RORC: variants seen among roughly 807,000 people sequenced by gnomAD.
RORC encodes RAR related orphan receptor C, also known as nuclear receptor ROR-gamma.
A neutral mutation model predicts 64.5 loss-of-function variants in RORC; 13 were observed. The ratio of observed to expected loss-of-function variants is 0.20; its 90% CI spans 0.13 to 0.32. The LOEUF is 0.32. Ranked by LOEUF, RORC falls within the 10% of genes least tolerant of loss-of-function variation. The pLI is 1.00. For synonymous variants in RORC, 277 were observed against 259.3 expected (o/e 1.07, Z -0.65); for missense variants, 468 against 669.5 (o/e 0.70, Z 3.32).
At chr1:151,810,902 A>G (rs1253059026) in intron 10 of RORC, among the ~76,000 whole-genome samples, 1 of 152,210 alleles carries the variant, frequency 6.6e-6, no homozygotes, top group African/African-American at 2.4e-5. Flanking sequence ...GCATGTCAGC[A>G]AAAGCACTCT....
chr1:151,814,644 C>T lies in RORC; in HGVS notation c.863G>A (p.Arg288Gln), dbSNP rs997157586. 19 of 1,612,760 alleles carry T rather than the reference C, an allele frequency of 1.2e-5. No homozygotes were observed. Among genetic ancestry groups the T allele is most frequent in the Non-Finnish European group, 1.6e-5 (19 of 1,179,340 alleles). Residue 288 changes from arginine (R) to glutamine (Q), a missense_variant, in exon 6 of 11, where the codon CGG becomes CAG. Transcript: ENST00000318247. The part of the protein sequence containing the change: ...CKSYRETCQL[R>Q]LEDLLRQRSN... The stretch of plus-strand genomic sequence containing the variant: ...GCGCTGCCGCAGCAGGTCCTCCAGC[C>T]GCAGCTGGCATGTCTCCCTGTAGGA...
At chr1:151,818,306 C>T (rs751679732) in intron 2 of RORC, among the ~76,000 whole-genome samples, 9 of 152,154 alleles carry the variant, frequency 5.9e-5, no homozygotes, top group Non-Finnish European at 1.2e-4. Context: ...TGTGAGCCTA[C>T]GACATATCTG....
chr1:151,826,007 C>G (rs1228458362), intron 2 of RORC: 1 of 1,605,296 alleles, frequency 6.2e-7, no homozygotes, highest in East Asian at 2.2e-5. Flanking sequence ...GAGTGGGGTG[C>G]AGCTGGCGGC....
rs760947986 is a variant in RORC at position 151,823,371 on chromosome 1, A to T, written c.70+6058T>A. ...CCACGCTGGCCATGCCCTTAGGGGA[A>T]GATGTCTGGGCTACCCTCCGTCTGG... On this transcript the variant is annotated intron_variant, in intron 2 of 10. Coordinates refer to ENST00000318247, the MANE Select transcript of RORC (RefSeq NM_005060.4). Among the ~76,000 whole-genome samples the T allele has an allele frequency of 1.4e-4, 22 of 152,210 alleles. 1 individual carries two copies. Among genetic ancestry groups the T allele is most frequent in the Non-Finnish European group, 1.5e-5 (1 of 68,024 alleles).
chr1:151,811,224 G>T (rs1346616424), intron 10 of RORC, 101 bp downstream of exon 10: 2 of 663,082 alleles, frequency 3.0e-6, no homozygotes, highest in Non-Finnish European at 2.7e-6. Context: ...TGGTACTCCC[G>T]CACTCCCTCC....
rs144728977 is a variant in RORC at position 151,810,283 on chromosome 1, C to T, written c.1395+1042G>A. Among the ~76,000 whole-genome samples, 17 of 152,236 alleles carry T rather than the reference C, an allele frequency of 1.1e-4. No individual in the cohort carries two copies. The East Asian group carries it at 3.1e-3, about 28-fold the overall frequency. ...TAAGCCTGGAATGCCTGCCCCACCC[C>T]CATGAATGCCTGTTAAAATCTTACA... On this transcript the variant is annotated intron_variant, in intron 10 of 10. Coordinates refer to ENST00000318247, the MANE Select transcript of RORC (RefSeq NM_005060.4).
rs1316402517 is a variant in RORC, at chr1:151,830,601, T to C, written c.40+1124A>G. On this transcript the variant is annotated intron_variant, in intron 1 of 10. Transcript: ENST00000318247. This position sits in a 1 kb window ranked among gnomAD's most constrained non-coding sequence, Gnocchi z 4.0. The stretch of plus-strand genomic sequence containing the variant: ...TTCTGTTATTTTTTTCCTTCTGCTG[T>C]TCAGTCTTGACACCTGACATACACA... 7.7e-5 allele frequency among the ~76,000 whole-genome samples: 10 copies of C among 129,782 alleles called. No homozygotes were observed. The allele number at this position is 129,782 out of a possible 152,430, so 85.1% of individuals were successfully genotyped here.
chr1:151,817,622 T>C (rs1651819290), intron 2 of RORC, among the ~76,000 whole-genome samples: 1 of 152,080 alleles, frequency 6.6e-6, no homozygotes, highest in Admixed American at 6.5e-5. Context: ...CCTTGGGACA[T>C]AGGACTCCTC....
chr1:151,830,836 C>T lies in RORC; in HGVS notation c.40+889G>A. The T allele has an allele frequency of 1.2e-6, 1 of 827,488 alleles. No homozygotes were observed. The highest frequency in any genetic ancestry group is 1.7e-6 in the Non-Finnish European group (1 of 600,176). 51.3% of individuals were successfully genotyped at this position (827,488 alleles called of 1,614,324 possible). ...ACCTCCCCTTGCTCCTGCCTGGCCC[C>T]ACCCAGCTTCCTCCCTGACGTGGCA... On this transcript the variant is annotated intron_variant, in intron 1 of 10. Coordinates refer to ENST00000318247, the MANE Select transcript of RORC (RefSeq NM_005060.4). The surrounding 1 kb of genome is among the most constrained non-coding windows in gnomAD (Gnocchi z 4.0).
chr1:151,831,626 C>T, intron 1 of RORC, 99 bp downstream of exon 1: 3 of 1,603,778 alleles, frequency 1.9e-6, no homozygotes, highest in Non-Finnish European at 2.5e-6. Flanking sequence ...TTGTCCCTCC[C>T]TCCCCTCCTC....
intron 2 of RORC, 142 bp from the exon 3 acceptor site, chr1:151,817,422 T>C (rs754789677): frequency 5.0e-5 from 32 of 637,594 alleles, no homozygotes; most frequent in Non-Finnish European, 7.7e-5. Flanking sequence ...TCTTGCAAAA[T>C]GGAAGGGGAA....
intron 10 of RORC, among the ~76,000 whole-genome samples, chr1:151,809,964 C>A (rs1651454596): frequency 6.7e-6 from 1 of 149,166 alleles, no homozygotes; most frequent in Non-Finnish European, 1.5e-5. Context: ...CTCTGATTTG[C>A]CCCTGACCTA....
In RORC at chr1:151,814,704, G is replaced by A. The variant is rs201629576; in HGVS notation, c.812-9C>T. On this transcript the variant is annotated splice_polypyrimidine_tract_variant and intron_variant, in intron 5 of 10. Coordinates refer to ENST00000318247, the MANE Select transcript of RORC (RefSeq NM_005060.4). ...GCTCTGCACCAGGTGCTCTGGGGCC[G>A]GAGAAGGAAGGCATGGCTTGATCTC... is the stretch of plus-strand genomic sequence containing the variant. 697 of 1,601,484 alleles carry A rather than the reference G, an allele frequency of 4.4e-4. 4 individuals are homozygous for A. In the African/African-American group the frequency reaches 8.5e-3, roughly 20 times the overall value.
chr1:151,814,184 G>T (rs1313941238), intron 6 of RORC: 1 of 188,728 alleles, frequency 5.3e-6, no homozygotes, highest in African/African-American at 2.3e-5. Context: ...TGTGGTAGGG[G>T]CTGAGGATAA....
intron 2 of RORC, among the ~76,000 whole-genome samples, chr1:151,823,954 T>C (rs537118221): frequency 1.2e-4 from 19 of 152,346 alleles, no homozygotes; most frequent in Non-Finnish European, 2.4e-4. Flanking sequence ...TTTGGCTCTA[T>C]TGGTGTTTCT....
chr1:151,817,047 C>T, intron 3 of RORC, 148 bp downstream of exon 3: 1 of 755,332 alleles, frequency 1.3e-6, no homozygotes, highest in East Asian at 2.7e-5. Context: ...TCCTGGCTGC[C>T]CAGGAGATCA....
chr1:151,829,518 C>T (rs1652327667), intron 1 of RORC, 60 bp from the exon 2 acceptor site: 2 of 1,402,024 alleles, frequency 1.4e-6, no homozygotes, highest in Non-Finnish European at 1.9e-6. Flanking sequence ...GGCTGAGACA[C>T]TTTCCCCACT....
intron 2 of RORC, among the ~76,000 whole-genome samples, chr1:151,819,492 A>G (rs1651899672): frequency 6.6e-6 from 1 of 152,172 alleles, no homozygotes; most frequent in South Asian, 2.1e-4. Flanking sequence ...ACACTGTGGC[A>G]TCTCTCTTTT....
intron 2 of RORC, chr1:151,826,062 C>T (rs1652185051): frequency 2.6e-6 from 4 of 1,553,328 alleles, no homozygotes; most frequent in Non-Finnish European, 3.5e-6. Context: ...GCCTGAAGCT[C>T]TGCACCTAGC....
Sources: allele counts gnomAD v4.1 joint callset (sites outside exome capture counted in the v4.1 genomes callset), GRCh38; gene constraint gnomAD v4.1.1; non-coding constraint Gnocchi (gnomAD v3.1); transcripts MANE v1.5; gene names NCBI Gene and HGNC (gene_info 2026-07-23, HGNC 2026-07-21).